The following NSUN2 variants were observed in gnomAD, a reference collection of about 807,000 sequenced individuals.
NSUN2 encodes RNA cytosine C(5)-methyltransferase NSUN2.
NSUN2 carries 63 observed loss-of-function variants against 92.7 expected under a neutral mutation model. The ratio of observed to expected loss-of-function variants is 0.68; its 90% CI spans 0.56 to 0.84. The LOEUF is 0.84. Ranked by LOEUF, NSUN2 falls within the 40% of genes least tolerant of loss-of-function variation. The pLI is 0.00. For missense variants in NSUN2, 989 were observed against 964.9 expected (o/e 1.02, Z -0.33); for synonymous variants, 356 against 348.3 (o/e 1.02, Z -0.25).
chr5:6,617,811 A>G, intron 8 of NSUN2, 139 bp downstream of exon 8: 1 of 536,830 alleles, frequency 1.9e-6, no homozygotes. Flanking sequence ...AACTTCTGAT[A>G]AAACAGTTGA....
chr5:6,622,110 A>G lies in NSUN2; in HGVS notation c.538-10T>C, dbSNP rs1181822947. The G allele has an allele frequency of 1.2e-6, 2 of 1,603,946 alleles. No homozygotes were observed. Among genetic ancestry groups the G allele is most frequent in the East Asian group, 4.5e-5 (2 of 44,848 alleles). ...CACACATATCTAAGATCTATTAACA[A>G]AGCAAGAAACTGTTTCATGTTTTTA... is the stretch of plus-strand genomic sequence containing the variant. On this transcript the variant is annotated splice_polypyrimidine_tract_variant and intron_variant, in intron 5 of 18. Coordinates refer to ENST00000264670, the MANE Select transcript of NSUN2 (RefSeq NM_017755.6).
chr5:6,625,006 T>TGTGAAGA (rs1406953775), intron 4 of NSUN2, among the ~76,000 whole-genome samples: 5 of 151,788 alleles, frequency 3.3e-5, no homozygotes, highest in Non-Finnish European at 7.4e-5. Flanking sequence ...CTACGGAGAA[T>TGTGAAGA]GTGAAGACAG....
chr5:6,618,334 T>C lies in NSUN2; in HGVS notation c.816-310A>G, dbSNP rs73050458. Among the ~76,000 whole-genome samples, 1,300 of 152,350 alleles carry C rather than the reference T, an allele frequency of 8.5e-3. 21 individuals are homozygous for C. Among genetic ancestry groups the C allele is most frequent in the African/African-American group, 0.03 (1,257 of 41,584 alleles). ...CACTAGCAAGACTAATTTGCAGACCTAGGACACAGAACCTAAAATACTATT... is the reference window on the plus strand; with the variant it reads ...CACTAGCAAGACTAATTTGCAGACCCAGGACACAGAACCTAAAATACTATT... On this transcript the variant is annotated intron_variant, in intron 7 of 18. Coordinates refer to ENST00000264670, the MANE Select transcript of NSUN2 (RefSeq NM_017755.6).
At chr5:6,603,863 G>T in intron 17 of NSUN2, 1 of 333,514 alleles carries the variant, frequency 3.0e-6, no homozygotes, top group East Asian at 6.8e-5. Context: ...GTGAGCAAAG[G>T]CCAGCCCTGC....
At chr5:6,609,585 G>A (rs1275699856) in intron 12 of NSUN2, among the ~76,000 whole-genome samples, 2 of 152,184 alleles carry the variant, frequency 1.3e-5, no homozygotes, top group Non-Finnish European at 2.9e-5. Context: ...TGGATTTACA[G>A]TGTGGCAGGA....
intron 18 of NSUN2, among the ~76,000 whole-genome samples, chr5:6,602,035 C>T (rs896290817): frequency 9.9e-5 from 15 of 152,096 alleles, no homozygotes; most frequent in Non-Finnish European, 2.1e-4. Context: ...TGAGTGCAAG[C>T]GTGAGCAAAT....
At chr5:6,611,534 C>G (rs905962299) in intron 10 of NSUN2, among the ~76,000 whole-genome samples, 191 bp downstream of exon 10, 10 of 149,862 alleles carry the variant, frequency 6.7e-5, no homozygotes, top group African/African-American at 2.5e-4. Context: ...AAAAACTTTT[C>G]CACTGCCAGG....
At position 6,604,121 on chromosome 5, in the gene NSUN2, C is replaced by T. The variant is rs768123906; in HGVS notation, c.1957+17G>A. 1.9e-6 allele frequency: 3 copies of T among 1,608,590 alleles called. No homozygotes were observed. The highest frequency in any genetic ancestry group is 3.4e-5 in the Admixed American group (2 of 59,236). On this transcript the variant is annotated intron_variant, in intron 17 of 18. Transcript: ENST00000264670. ...AGGGAATACAAGTTATGTCTCTATG[C>T]ATTTCCAACTACTCACCCAGGTCCT...
At position 6,620,095 on chromosome 5, in the gene NSUN2, A is replaced by G. The variant is rs1297975539; in HGVS notation, c.815+11T>C. The G allele has an allele frequency of 7.1e-6, 11 of 1,541,294 alleles. No individual in the cohort carries two copies. Among genetic ancestry groups the G allele is most frequent in the African/African-American group, 2.8e-5 (2 of 71,496 alleles). ...AGTGGATTTGGGCTTTTTGGCCAAT[A>G]AGATAAATACCTGCAAGGGACATCA... On this transcript the variant is annotated intron_variant, in intron 7 of 18. Coordinates refer to ENST00000264670, the MANE Select transcript of NSUN2 (RefSeq NM_017755.6).
chr5:6,630,882 C>T lies in NSUN2; in HGVS notation c.359+991G>A, dbSNP rs554991586. Among the ~76,000 whole-genome samples the T allele has an allele frequency of 3.9e-5, 6 of 152,252 alleles. No individual in the cohort carries two copies. The South Asian group carries it at 1.2e-3, about 32-fold the overall frequency. ...GGCCGAGGTGGGCGGATCATGAGGT[C>T]AGGAGATGAGACCATCCTGGCTAGC... On this transcript the variant is annotated intron_variant, in intron 3 of 18. Transcript: ENST00000264670.
At chr5:6,610,633 G>A (rs183968649) in intron 11 of NSUN2, among the ~76,000 whole-genome samples, 95 of 150,806 alleles carry the variant, frequency 6.3e-4, no homozygotes, top group African/African-American at 1.9e-3. Flanking sequence ...GCAGTGAGCC[G>A]AGATCGAGCT....
At chr5:6,627,211 T>C (rs74767366) in intron 3 of NSUN2, among the ~76,000 whole-genome samples, 1 of 152,240 alleles carries the variant, frequency 6.6e-6, no homozygotes, top group Non-Finnish European at 1.5e-5. Flanking sequence ...AAGAATTGTT[T>C]TAAATAATCT....
intron 14 of NSUN2, 119 bp downstream of exon 14, chr5:6,606,697 TAAAA>T (rs3996725): frequency 0.068 from 30,421 of 450,204 alleles, 20 homozygotes; most frequent in Middle Eastern, 0.1. Flanking sequence ...TTAAAAAGGT[TAAAA>T]AAAAAAAAAA....
At chr5:6,625,383 A>T (rs1737615079) in intron 4 of NSUN2, among the ~76,000 whole-genome samples, 181 bp downstream of exon 4, 1 of 152,206 alleles carries the variant, frequency 6.6e-6, no homozygotes, top group Non-Finnish European at 1.5e-5. Flanking sequence ...TAGATAAACC[A>T]AACAAGGCAA....
At position 6,616,744 on chromosome 5, in the gene NSUN2, A is replaced by T. The variant is rs545640450; in HGVS notation, c.1004T>A (p.Leu335Ter). The T allele has an allele frequency of 2.7e-6, 4 of 1,468,388 alleles. No individual in the cohort carries two copies. In the East Asian group the frequency reaches 1.0e-4, roughly 37 times the overall value. 91.0% of individuals were successfully genotyped at this position (1,468,388 alleles called of 1,614,324 possible). A position where few individuals can be genotyped will look rare whatever the true frequency, so the allele number is the denominator to read the frequency against. Residue 335 changes from leucine to a stop codon, truncating the protein, a stop_gained, in exon 9 of 19, where the codon TTA (leucine) becomes TAA (stop). Transcript: ENST00000264670. LOFTEE classifies it high-confidence loss of function. ...GTGCTTACCTTCACTTTTTTCCAGTAAAGATGCTATGACTGCTTCATCCTC... is the reference window on the plus strand; with the variant it reads ...GTGCTTACCTTCACTTTTTTCCAGTTAAGATGCTATGACTGCTTCATCCTC... ...PIEDEAVIAS[L>*]LEKSEGALEL...
intron 12 of NSUN2, among the ~76,000 whole-genome samples, chr5:6,608,570 G>C (rs376322849): frequency 1.2e-4 from 18 of 152,310 alleles, no homozygotes; most frequent in Middle Eastern, 3.4e-3. Context: ...ATTTAAACGA[G>C]AAAATGACAA....
At chr5:6,625,298 G>A (rs1474597069) in intron 4 of NSUN2, among the ~76,000 whole-genome samples, 1 of 152,090 alleles carries the variant, frequency 6.6e-6, no homozygotes, top group East Asian at 1.9e-4. Flanking sequence ...CAACCCTATA[G>A]CCATCCAAAT....
In NSUN2 at chr5:6,606,922, G is replaced by A. The variant is rs374300313; in HGVS notation, c.1509-10C>T. On this transcript the variant is annotated splice_polypyrimidine_tract_variant and intron_variant, in intron 13 of 18. Coordinates refer to ENST00000264670, the MANE Select transcript of NSUN2 (RefSeq NM_017755.6). ...CTTTGATGGAGGAGGACTAAAAAGG[G>A]AATCAGGATGAGACAAATCAATCTG... 7.3e-5 allele frequency: 107 copies of A among 1,464,118 alleles called. No individual in the cohort carries two copies. Among genetic ancestry groups the A allele is most frequent in the Non-Finnish European group, 9.5e-5 (100 of 1,048,046 alleles). The allele number at this position is 1,464,118 out of a possible 1,614,324, so 90.7% of individuals were successfully genotyped here.
Position 6,632,971 on chromosome 5 carries a change from C to A in NSUN2, c.9G>T (p.Arg3=). MG[R]RSRGRRLQQQ... ...GCTGGAGCCGCCGACCCCGCGACCG[C>A]CGCCCCATAGCCCACGCGGCCGCGC... The change falls in exon 1 of 19, where the codon CGG becomes CGT. Residue 3 remains arginine, a synonymous_variant. Coordinates refer to ENST00000264670, the MANE Select transcript of NSUN2 (RefSeq NM_017755.6). 1 of 1,485,946 alleles carries A rather than the reference C, an allele frequency of 6.7e-7. No individual in the cohort carries two copies. The highest frequency in any genetic ancestry group is 2.3e-5 in the Admixed American group (1 of 44,078). 92.0% of individuals were successfully genotyped at this position (1,485,946 alleles called of 1,614,324 possible).
Sources: allele counts gnomAD v4.1 joint callset (sites outside exome capture counted in the v4.1 genomes callset), GRCh38; gene constraint gnomAD v4.1.1; transcripts MANE v1.5; gene names NCBI Gene and HGNC (gene_info 2026-07-23, HGNC 2026-07-21).